The following ARHGAP10 variants were observed in gnomAD, a reference collection of about 807,000 sequenced individuals.
ARHGAP10 encodes rho GTPase-activating protein 10.
ARHGAP10 carries 87 observed loss-of-function variants against 108.6 expected under a neutral mutation model. That is an observed-to-expected ratio of 0.80 (90% CI 0.67 to 0.96). The LOEUF (loss-of-function observed/expected upper bound fraction) is 0.96, where lower values mean the gene tolerates loss of function less well. ARHGAP10 is among the 40% of genes least tolerant of loss of function. ARHGAP10 has a pLI of 0.00. For missense variants in ARHGAP10, 939 were observed against 954.5 expected, an observed-to-expected ratio of 0.98 and a Z score of 0.21; for synonymous variants, 347 against 341.1, an observed-to-expected ratio of 1.02 and a Z score of -0.19.
intron 18 of ARHGAP10, among the ~76,000 whole-genome samples, chr4:147,982,545 TC>T (rs553134991): frequency 3.1e-5 from 4 of 127,944 alleles, no homozygotes; most frequent in African/African-American, 1.3e-4. Flanking sequence ...CCCAGCTAAA[TC>T]TTTTTTTTTT....
intron 13 of ARHGAP10, among the ~76,000 whole-genome samples, chr4:147,933,101 A>C (rs1368534494): frequency 6.6e-6 from 1 of 152,130 alleles, no homozygotes; most frequent in East Asian, 1.9e-4. Context: ...TTGAGAAGGA[A>C]GCTCATCTTC....
intron 3 of ARHGAP10, among the ~76,000 whole-genome samples, chr4:147,843,667 C>T (rs1733510772): frequency 6.6e-6 from 1 of 152,206 alleles, no homozygotes; most frequent in Non-Finnish European, 1.5e-5. Context: ...GCTGGGATTA[C>T]AGGCACTGCC....
At chr4:147,912,590 T>G (rs967862327) in intron 12 of ARHGAP10, among the ~76,000 whole-genome samples, 24 of 65,444 alleles carry the variant, frequency 3.7e-4, no homozygotes, top group Admixed American at 5.3e-4. Flanking sequence ...TATATATATA[T>G]ATATATATAA....
intron 10 of ARHGAP10, among the ~76,000 whole-genome samples, chr4:147,884,050 A>C (rs572125577): frequency 4.6e-5 from 7 of 152,224 alleles, no homozygotes; most frequent in Admixed American, 3.9e-4. Context: ...CCATATAATC[A>C]GAATGTTTTC....
At chr4:147,937,376 T>G (rs1322412998) in intron 13 of ARHGAP10, among the ~76,000 whole-genome samples, 1 of 152,198 alleles carries the variant, frequency 6.6e-6, no homozygotes, top group Non-Finnish European at 1.5e-5. Context: ...TCATTTTAAT[T>G]TAATTACTTT....
intron 1 of ARHGAP10, among the ~76,000 whole-genome samples, chr4:147,804,007 T>TTTTC (rs1177694700): frequency 1.3e-5 from 2 of 152,002 alleles, no homozygotes; most frequent in African/African-American, 4.8e-5. Flanking sequence ...TTTTTTTTTT[T>TTTTC]TTTCTTTCAG....
At chr4:147,916,374 A>G (rs148449106) in intron 13 of ARHGAP10, among the ~76,000 whole-genome samples, 85 of 152,232 alleles carry the variant, frequency 5.6e-4, no homozygotes, top group African/African-American at 2.0e-3. Flanking sequence ...ATTTTATGGC[A>G]TTTTTCTTAA....
chr4:147,818,164 C>CTTT (rs563096646), intron 1 of ARHGAP10, among the ~76,000 whole-genome samples: 1 of 138,202 alleles, frequency 7.2e-6, no homozygotes, highest in African/African-American at 2.6e-5. Flanking sequence ...TCTTCTTTTT[C>CTTT]TTTTTTTTTT....
chr4:148,024,847 TAATA>T (rs1173564255), intron 19 of ARHGAP10, among the ~76,000 whole-genome samples: 1 of 152,164 alleles, frequency 6.6e-6, no homozygotes, highest in Non-Finnish European at 1.5e-5. Context: ...ATGGAAGTGT[TAATA>T]AATAGTGAAA....
At chr4:147,960,209 G>C (rs1424615834) in intron 16 of ARHGAP10, among the ~76,000 whole-genome samples, 3 of 151,670 alleles carry the variant, frequency 2.0e-5, no homozygotes, top group African/African-American at 7.3e-5. Context: ...TTTTGTTTCT[G>C]GTGATAAATT....
chr4:148,064,542 G>A (rs767670319), intron 22 of ARHGAP10, 35 bp downstream of exon 22: 19 of 1,573,288 alleles, frequency 1.2e-5, no homozygotes, highest in Non-Finnish European at 1.4e-5. Flanking sequence ...TGTTAATCCT[G>A]TCCGCAGGAT....
rs375635751 is a variant in ARHGAP10 at position 147,905,514 on chromosome 4, C to G, written c.1035-1124C>G. Among the ~76,000 whole-genome samples the G allele has an allele frequency of 3.2e-4, 38 of 120,442 alleles. No individual in the cohort carries two copies. In the South Asian group the frequency reaches 0.01, roughly 32 times the overall value. The allele number at this position is 120,442 out of a possible 152,430, so 79.0% of individuals were successfully genotyped here. A position where few individuals can be genotyped will look rare whatever the true frequency, so the allele number is the denominator to read the frequency against. Reference sequence around the variant, plus strand: ...AATCCTTTCCCCATTGCTTGTTTTTCTCAGGTTTGTCAAAGATCAGATAGT... The same window carrying G: ...AATCCTTTCCCCATTGCTTGTTTTTGTCAGGTTTGTCAAAGATCAGATAGT... On this transcript the variant is annotated intron_variant, in intron 10 of 22. Coordinates refer to ENST00000336498, the MANE Select transcript of ARHGAP10 (RefSeq NM_024605.4).
intron 19 of ARHGAP10, among the ~76,000 whole-genome samples, chr4:148,042,782 G>A (rs908563079): frequency 7.9e-5 from 12 of 152,316 alleles, no homozygotes; most frequent in Admixed American, 4.6e-4. Flanking sequence ...TACATAAGGA[G>A]AAGCTCAGTA....
chr4:147,987,455 A>G (rs551171402), intron 18 of ARHGAP10, among the ~76,000 whole-genome samples: 1 of 152,262 alleles, frequency 6.6e-6, no homozygotes, highest in Non-Finnish European at 1.5e-5. Context: ...CTCAGTCTGT[A>G]GTGCCCTGTA....
At chr4:147,890,830 A>G (rs961631732) in intron 10 of ARHGAP10, among the ~76,000 whole-genome samples, 4 of 152,322 alleles carry the variant, frequency 2.6e-5, no homozygotes, top group Non-Finnish European at 1.5e-5. Context: ...CCATCACAAA[A>G]AAAACAACAA....
intron 3 of ARHGAP10, among the ~76,000 whole-genome samples, chr4:147,826,640 C>A (rs766848189): frequency 6.6e-6 from 1 of 152,150 alleles, no homozygotes; most frequent in Admixed American, 6.6e-5. Flanking sequence ...TACATGGACT[C>A]GACATCCAGC....
At chr4:148,040,073 C>T (rs1341299920) in intron 19 of ARHGAP10, among the ~76,000 whole-genome samples, 3 of 152,174 alleles carry the variant, frequency 2.0e-5, no homozygotes, top group African/African-American at 7.2e-5. Flanking sequence ...TCTCCCCTTT[C>T]TTTTCACTGT....
chr4:147,912,488 G>T (rs1367054887), intron 12 of ARHGAP10, among the ~76,000 whole-genome samples: 3 of 149,086 alleles, frequency 2.0e-5, no homozygotes, highest in African/African-American at 7.5e-5. Context: ...TTGCACTCTA[G>T]CTTGGGTGAC....
intron 16 of ARHGAP10, among the ~76,000 whole-genome samples, chr4:147,957,996 T>G (rs918024301): frequency 1.3e-5 from 2 of 152,316 alleles, no homozygotes; most frequent in East Asian, 3.9e-4. Flanking sequence ...ACTAAACTTA[T>G]AAAAGGAACC....
Sources: gnomAD v4.1 joint callset for allele counts (sites outside exome capture counted in the v4.1 genomes callset) on GRCh38, gnomAD v4.1.1 for gene constraint, MANE v1.5 for transcripts, NCBI Gene and HGNC (gene_info 2026-07-23, HGNC 2026-07-21) for gene names.